The following NPEPL1 variants were observed in gnomAD, a reference collection of about 807,000 sequenced individuals.
The protein encoded by NPEPL1 is aminopeptidase like 1.
In NPEPL1, 45 loss-of-function variants were observed where a neutral mutation model predicts 52.4. That is an observed-to-expected ratio of 0.86 (90% CI 0.68 to 1.10). The LOEUF is 1.10. NPEPL1 is among the 50% of genes least tolerant of loss of function. The pLI, the probability that NPEPL1 is intolerant of heterozygous loss-of-function variation, is 0.00. For synonymous variants in NPEPL1, 360 were observed against 314.7 expected (o/e 1.14, Z -1.52); for missense variants, 696 against 710.9 (o/e 0.98, Z 0.24).
chr20:58,701,391 C>T, intron 6 of NPEPL1, among the ~76,000 whole-genome samples: 1 of 109,066 alleles, frequency 9.2e-6, no homozygotes, highest in East Asian at 2.5e-4. Flanking sequence ...GGGAGGGGCC[C>T]AGTTTGGGTC....
chr20:58,691,718 TTTTAGGC>T, upstream of NPEPL1: 1 of 794,408 alleles, frequency 1.3e-6, no homozygotes. Flanking sequence ...TTTTTTTCAT[TTTTAGGC>T]TGGTTATGAA....
At chr20:58,712,055 TAACTTCACACCTA>T (rs1270113107) in intron 7 of NPEPL1, among the ~76,000 whole-genome samples, 1 of 152,226 alleles carries the variant, frequency 6.6e-6, no homozygotes, top group Non-Finnish European at 1.5e-5. Flanking sequence ...CAGAAAGCCA[TAACTTCACACCTA>T]AACTTCCACG....
chr20:58,714,088 G>A lies in NPEPL1; in HGVS notation c.1297G>A (p.Val433Met). The A allele has an allele frequency of 5.8e-6, 9 of 1,546,166 alleles. No individual in the cohort carries two copies. Among genetic ancestry groups the A allele is most frequent in the Non-Finnish European group, 7.8e-6 (9 of 1,147,052 alleles). ...AGCTGTGGCGGACATGAAGAACTCAGTGGCGGTAGGTTTGGAGCCTCGAAC... is the reference window on the plus strand; with the variant it reads ...AGCTGTGGCGGACATGAAGAACTCAATGGCGGTAGGTTTGGAGCCTCGAAC... ...TSAVADMKNSVADRDNSPSSC... is the reference protein window; with the variant it reads ...TSAVADMKNSMADRDNSPSSC... Residue 433 changes from valine to methionine, a missense_variant, in exon 10 of 12, where the codon GTG becomes ATG. Transcript: ENST00000356091.
At position 58,715,504 on chromosome 20, in the gene NPEPL1, G is replaced by A; in HGVS notation, c.*178G>A. ...GCTTAGGGTTTGGTGCGGGCCACGG[G>A]GAGGGGACCGGGAAGCGCTGGGGCT... On this transcript the variant is annotated 3_prime_UTR_variant, in exon 12 of 12. Transcript: ENST00000356091. 1.6e-6 allele frequency: 1 copy of A among 615,008 alleles called. No homozygotes were observed. The allele number at this position is 615,008 out of a possible 1,614,324, so 38.1% of individuals were successfully genotyped here. A position where few individuals can be genotyped will look rare whatever the true frequency, so the allele number is the denominator to read the frequency against.
At chr20:58,694,715 G>A in intron 3 of NPEPL1, 123 bp downstream of exon 3, 3 of 1,071,930 alleles carry the variant, frequency 2.8e-6, no homozygotes, top group East Asian at 5.6e-5. Context: ...CTTCCCAGGA[G>A]CTTTGGTTCC....
chr20:58,707,262 T>C (rs2084755565), intron 7 of NPEPL1, 62 bp downstream of exon 7: 2 of 1,403,624 alleles, frequency 1.4e-6, no homozygotes, highest in Admixed American at 4.2e-5. Flanking sequence ...GGTGCTCCCC[T>C]CTCCCCTGTC....
At chr20:58,708,640 G>A (rs1449705126) in intron 7 of NPEPL1, among the ~76,000 whole-genome samples, 4 of 152,194 alleles carry the variant, frequency 2.6e-5, no homozygotes, top group South Asian at 2.1e-4. Flanking sequence ...CAAGGGACAC[G>A]GCTGGCACTC....
In NPEPL1 at chr20:58,713,062, A is replaced by G. The variant is rs1601137820; in HGVS notation, c.1002-358A>G. ...GGTGCCTGAGTGGGCGCCTCCCCGC[A>G]TCTCCTGCTCTTCCTCCCCATCTGC... On this transcript the variant is annotated intron_variant, in intron 8 of 11. Coordinates refer to ENST00000356091, the MANE Select transcript of NPEPL1 (RefSeq NM_024663.4). The surrounding 1 kb of genome is among the most constrained non-coding windows in gnomAD (Gnocchi z 4.6). 1 of 350,524 alleles carries G rather than the reference A, an allele frequency of 2.9e-6. No individual in the cohort carries two copies. Among genetic ancestry groups the G allele is most frequent in the Non-Finnish European group, 5.5e-6 (1 of 182,776 alleles). 21.7% of individuals were successfully genotyped at this position (350,524 alleles called of 1,614,324 possible). A position where few individuals can be genotyped will look rare whatever the true frequency, so the allele number is the denominator to read the frequency against.
At position 58,700,932 on chromosome 20, in the gene NPEPL1, C is replaced by G. The variant is rs58106586; in HGVS notation, c.680-84C>G. 0.024 allele frequency: 31,288 copies of G among 1,317,546 alleles called. 2,448 individuals are homozygous for G. In the African/African-American group the frequency reaches 0.26, roughly 11 times the overall value. 81.6% of individuals were successfully genotyped at this position (1,317,546 alleles called of 1,614,324 possible). A position where few individuals can be genotyped will look rare whatever the true frequency, so the allele number is the denominator to read the frequency against. On this transcript the variant is annotated intron_variant, in intron 5 of 11. Coordinates refer to ENST00000356091, the MANE Select transcript of NPEPL1 (RefSeq NM_024663.4). ...GGCGGCTCTCCAGGAGAAACACCAG[C>G]CGGCCAGAGTTTCCAGGGGCCTCTG...
chr20:58,698,090 T>C (rs2084527803), intron 3 of NPEPL1, among the ~76,000 whole-genome samples: 1 of 152,162 alleles, frequency 6.6e-6, no homozygotes, highest in South Asian at 2.1e-4. Flanking sequence ...TATGAGGGAC[T>C]TGCGTGGGAC....
chr20:58,703,566 G>T, intron 6 of NPEPL1: 2 of 984,690 alleles, frequency 2.0e-6, no homozygotes, highest in Non-Finnish European at 2.4e-6. Flanking sequence ...GCTTGTTTTT[G>T]ATGTCGGCTT....
At position 58,713,438 on chromosome 20, in the gene NPEPL1, C is replaced by A; in HGVS notation, c.1020C>A (p.Asn340Lys). The A allele has an allele frequency of 6.2e-7, 1 of 1,608,782 alleles. No homozygotes were observed. ...LYSGKTVEIN[N>K]TDAEGRLVLA... is the part of the protein sequence containing the mutation. ...GCCCCAGGACGGTGGAAATCAACAA[C>A]ACGGATGCCGAGGGCAGGCTGGTGC... Residue 340 changes from asparagine to lysine, a missense_variant, in exon 9 of 12, where the codon AAC becomes AAA. Asn to Lys is a moderately conservative substitution (Grantham distance 94). Coordinates refer to ENST00000356091, the MANE Select transcript of NPEPL1 (RefSeq NM_024663.4). This position sits in a 1 kb window ranked among gnomAD's most constrained non-coding sequence, Gnocchi z 4.6.
chr20:58,702,707 T>C (rs2084658255), intron 6 of NPEPL1, among the ~76,000 whole-genome samples: 1 of 152,230 alleles, frequency 6.6e-6, no homozygotes, highest in Admixed American at 6.5e-5. Flanking sequence ...TTGCCAGCTG[T>C]CTTCACTCAT....
rs1398559716 is a variant in NPEPL1 at position 58,714,035 on chromosome 20, C to T, written c.1244C>T (p.Pro415Leu). 1 of 1,539,404 alleles carries T rather than the reference C, an allele frequency of 6.5e-7. No homozygotes were observed. Among genetic ancestry groups the T allele is most frequent in the Admixed American group, 2.1e-5 (1 of 47,344 alleles). Residue 415 changes from proline (P) to leucine (L), a missense_variant, in exon 10 of 12, where the codon CCC (proline) becomes CTC (leucine). Pro to Leu is a moderately conservative substitution (Grantham distance 98, BLOSUM62 -3). Coordinates refer to ENST00000356091, the MANE Select transcript of NPEPL1 (RefSeq NM_024663.4). ...CTGGTGCACCCGCTGGTCTACTGCC[C>T]CGAGCTGCACTTCAGCGAGTTCACC... is the stretch of plus-strand genomic sequence containing the variant. ...GDLVHPLVYCPELHFSEFTSA... is the reference protein window; with the variant it reads ...GDLVHPLVYCLELHFSEFTSA...
At position 58,715,432 on chromosome 20, in the gene NPEPL1, T is replaced by C; in HGVS notation, c.*106T>C. 5 of 1,256,222 alleles carry C rather than the reference T, an allele frequency of 4.0e-6. No homozygotes were observed. Among genetic ancestry groups the C allele is most frequent in the East Asian group, 2.8e-5 (1 of 35,590 alleles). The allele number at this position is 1,256,222 out of a possible 1,614,324, so 77.8% of individuals were successfully genotyped here. The stretch of plus-strand genomic sequence containing the variant: ...CTTCATATGGGTTTTGGTTTGTCTT[T>C]CTGGTCGTCAGCGTGGTGGTGGAAA... On this transcript the variant is annotated 3_prime_UTR_variant, in exon 12 of 12. Transcript: ENST00000356091.
chr20:58,693,668 A>C (rs1029915879), intron 1 of NPEPL1, 69 bp from the exon 2 acceptor site: 11 of 1,427,348 alleles, frequency 7.7e-6, no homozygotes, highest in Admixed American at 5.9e-5. Flanking sequence ...CCGTGGCTGC[A>C]GGGCAGGGCC....
At chr20:58,692,121 G>C, upstream of NPEPL1, 1 of 439,588 alleles carries the variant, frequency 2.3e-6, no homozygotes, top group East Asian at 3.7e-5. This position sits in a 1 kb window ranked among gnomAD's most constrained non-coding sequence, Gnocchi z 5.7. Context: ...AGGGGTGGGC[G>C]GGAAGGCCCC....
chr20:58,698,731 G>C lies in NPEPL1; in HGVS notation c.555G>C (p.Val185=). The change falls in exon 4 of 12, where the codon GTG becomes GTC. Residue 185 remains valine, a synonymous_variant. Coordinates refer to ENST00000356091, the MANE Select transcript of NPEPL1 (RefSeq NM_024663.4). ...TDGVRLAARI[V]DTPCNEMNTD... The stretch of plus-strand genomic sequence containing the variant: ...GCGTGCGGCTAGCAGCCCGCATCGT[G>C]GACACACCCTGCAATGAGATGAACA... 1 of 1,613,004 alleles carries C rather than the reference G, an allele frequency of 6.2e-7. No individual in the cohort carries two copies.
Position 58,707,182 on chromosome 20 carries a change from C to T in NPEPL1, c.882C>T (p.Phe294=). The T allele has an allele frequency of 6.4e-7, 1 of 1,551,806 alleles. No individual in the cohort carries two copies. The highest frequency in any genetic ancestry group is 2.0e-5 in the Admixed American group (1 of 51,118). ...GTGCTGCGGCCGTCCTGGGGGCCTT[C>T]AGAGCCGCAATCAAGCAGGTGAGTG... ...CGGAAAVLGA[F]RAAIKQGFKD... Residue 294 remains phenylalanine, a synonymous_variant, in exon 7 of 12, where the codon TTC becomes TTT. Coordinates refer to ENST00000356091, the MANE Select transcript of NPEPL1 (RefSeq NM_024663.4).
Sources: gnomAD v4.1 joint callset for allele counts (sites outside exome capture counted in the v4.1 genomes callset) on GRCh38, gnomAD v4.1.1 for gene constraint, Gnocchi (gnomAD v3.1) non-coding constraint, MANE v1.5 for transcripts, NCBI Gene and HGNC (gene_info 2026-07-23, HGNC 2026-07-21) for gene names.